The following ADAMTSL1 variants were observed in gnomAD, a reference collection of about 807,000 sequenced individuals.
ADAMTSL1 encodes ADAMTS-like protein 1.
ADAMTSL1 carries 126 observed loss-of-function variants against 201.8 expected under a neutral mutation model. That is an observed-to-expected ratio of 0.62 (90% CI 0.54 to 0.72). ADAMTSL1 has a LOEUF of 0.72. Among genes scored for constraint, ADAMTSL1 ranks in the 30% least tolerant of loss-of-function variants. The pLI, the probability that ADAMTSL1 is intolerant of heterozygous loss-of-function variation, is 0.00. For missense variants in ADAMTSL1, 2,679 were observed against 2,277.8 expected (o/e 1.18, Z -3.59); for synonymous variants, 1,121 against 903.4 (o/e 1.24, Z -4.32).
At chr9:18,692,875 C>T (rs1831317676) in intron 13 of ADAMTSL1, among the ~76,000 whole-genome samples, 1 of 152,038 alleles carries the variant, frequency 6.6e-6, no homozygotes, top group Admixed American at 6.6e-5. Context: ...AGACTATTTG[C>T]AAGGAAAAGC....
intron 1 of ADAMTSL1, among the ~76,000 whole-genome samples, chr9:17,907,677 G>C (rs10963327): frequency 6.6e-6 from 1 of 152,206 alleles, no homozygotes; most frequent in Non-Finnish European, 1.5e-5. Flanking sequence ...GATTAATTCA[G>C]TTTGCCTGGT....
intron 13 of ADAMTSL1, among the ~76,000 whole-genome samples, chr9:18,685,314 C>T (rs1830763227): frequency 6.6e-6 from 1 of 152,208 alleles, no homozygotes; most frequent in African/African-American, 2.4e-5. Context: ...CCCATGTCTA[C>T]TCAATTTTAT....
At chr9:18,069,511 A>G (rs1436748718) in intron 1 of ADAMTSL1, among the ~76,000 whole-genome samples, 18 of 152,174 alleles carry the variant, frequency 1.2e-4, no homozygotes, top group Admixed American at 1.2e-3. Context: ...TGCCTATTCT[A>G]TTCTATTTCA....
chr9:18,627,999 C>A (rs1339538499), intron 5 of ADAMTSL1, among the ~76,000 whole-genome samples: 2 of 152,094 alleles, frequency 1.3e-5, no homozygotes, highest in African/African-American at 4.8e-5. Flanking sequence ...AGGTACAAGT[C>A]CTTTGTGGGA....
At chr9:18,075,210 G>A (rs2131747378) in intron 1 of ADAMTSL1, among the ~76,000 whole-genome samples, 1 of 152,198 alleles carries the variant, frequency 6.6e-6, no homozygotes, top group African/African-American at 2.4e-5. Context: ...ATTGAAATTT[G>A]CATCATTTCT....
chr9:18,564,665 T>C (rs1032624700), intron 3 of ADAMTSL1, among the ~76,000 whole-genome samples: 1 of 152,182 alleles, frequency 6.6e-6, no homozygotes, highest in African/African-American at 2.4e-5. Context: ...TAAAATGAAA[T>C]TGTATGCCAT....
chr9:18,335,176 G>T (rs1310888545), intron 2 of ADAMTSL1, among the ~76,000 whole-genome samples: 1 of 152,022 alleles, frequency 6.6e-6, no homozygotes, highest in East Asian at 1.9e-4. Context: ...TCCATTTCTG[G>T]TAGAAAACAG....
chr9:18,457,240 A>G (rs1820638995), intron 2 of ADAMTSL1, among the ~76,000 whole-genome samples: 1 of 152,228 alleles, frequency 6.6e-6, no homozygotes, highest in Admixed American at 6.5e-5. Flanking sequence ...AATGGTTTAC[A>G]AAAGGGGAAT....
chr9:18,137,955 C>G (rs1195431391), intron 1 of ADAMTSL1, among the ~76,000 whole-genome samples: 1 of 152,104 alleles, frequency 6.6e-6, no homozygotes, highest in African/African-American at 2.4e-5. Flanking sequence ...GGTGAAGGAT[C>G]TCAAGCTAGG....
At chr9:18,317,832 A>T (rs1159966257) in intron 2 of ADAMTSL1, among the ~76,000 whole-genome samples, 1 of 152,174 alleles carries the variant, frequency 6.6e-6, no homozygotes, top group Non-Finnish European at 1.5e-5. Context: ...TAGAAAGTAA[A>T]CTTCCTGAGG....
At chr9:18,181,947 C>T (rs1828499085) in intron 2 of ADAMTSL1, among the ~76,000 whole-genome samples, 1 of 152,072 alleles carries the variant, frequency 6.6e-6, no homozygotes. Flanking sequence ...CCATGGAATA[C>T]TATGCAGCCA....
rs533145915 is a variant in ADAMTSL1, at chr9:18,824,843, G to A, written c.3935-1441G>A. Among the ~76,000 whole-genome samples, 242 of 151,890 alleles carry A rather than the reference G, an allele frequency of 1.6e-3. 1 individual carries two copies. The highest frequency in any genetic ancestry group is 5.6e-3 in the African/African-American group (232 of 41,454). ...CTCCTGAGTAGCTGGGATTACAGGT[G>A]CCCACCACCATGCCTGGCTAATTTT... On this transcript the variant is annotated intron_variant, in intron 21 of 28. Transcript: ENST00000380548.
chr9:18,594,782 C>A (rs1265345895), intron 4 of ADAMTSL1, among the ~76,000 whole-genome samples: 1 of 152,172 alleles, frequency 6.6e-6, no homozygotes, highest in East Asian at 1.9e-4. Flanking sequence ...TGAGAGGTCA[C>A]ACCTCTCCAT....
chr9:17,923,104 G>C (rs921891295), intron 1 of ADAMTSL1, among the ~76,000 whole-genome samples: 1 of 152,152 alleles, frequency 6.6e-6, no homozygotes, highest in Non-Finnish European at 1.5e-5. Context: ...TTTTGGCTTA[G>C]GATTGACTTG....
At chr9:18,721,880 C>G (rs991494762) in intron 15 of ADAMTSL1, among the ~76,000 whole-genome samples, 1 of 152,224 alleles carries the variant, frequency 6.6e-6, no homozygotes, top group Non-Finnish European at 1.5e-5. Flanking sequence ...CTGGAAGATA[C>G]CGTGCATTCA....
intron 2 of ADAMTSL1, among the ~76,000 whole-genome samples, chr9:18,520,231 G>A (rs930285375): frequency 6.6e-6 from 1 of 152,144 alleles, no homozygotes; most frequent in Non-Finnish European, 1.5e-5. Flanking sequence ...TGCTTTCCTT[G>A]GTTCCATATG....
chr9:18,249,452 G>A (rs1248669720), intron 2 of ADAMTSL1, among the ~76,000 whole-genome samples: 1 of 152,052 alleles, frequency 6.6e-6, no homozygotes, highest in African/African-American at 2.4e-5. Context: ...CATTAACATA[G>A]AGACATCAAT....
intron 1 of ADAMTSL1, chr9:18,163,811 A>G (rs1180241497): frequency 2.6e-5 from 4 of 151,996 alleles, no homozygotes; most frequent in African/African-American, 9.7e-5. Context: ...ACAGTGCCCA[A>G]TCCCTCCAGG....
intron 2 of ADAMTSL1, among the ~76,000 whole-genome samples, chr9:18,319,982 A>G (rs1834555970): frequency 6.6e-6 from 1 of 152,160 alleles, no homozygotes; most frequent in Admixed American, 6.5e-5. Context: ...CACTGTTTCT[A>G]GCTTTGAAGG....
Sources: gnomAD v4.1 joint callset for allele counts (sites outside exome capture counted in the v4.1 genomes callset) on GRCh38, gnomAD v4.1.1 for gene constraint, MANE v1.5 for transcripts, NCBI Gene and HGNC (gene_info 2026-07-23, HGNC 2026-07-21) for gene names.